The following EIF5 variants were observed in gnomAD, a reference collection of about 807,000 sequenced individuals.
The protein encoded by EIF5 is eukaryotic translation initiation factor 5.
In EIF5, 10 loss-of-function variants were observed where a neutral mutation model predicts 48.3. That is an observed-to-expected ratio of 0.21 (90% CI 0.13 to 0.35). The LOEUF is 0.35. EIF5 is among the 10% of genes least tolerant of loss of function. The pLI is 1.00. For synonymous variants in EIF5, 237 were observed against 173.1 expected (o/e 1.37, Z -2.90); for missense variants, 397 against 533.2 (o/e 0.74, Z 2.51).
rs962575428 is a variant in EIF5, at chr14:103,338,521, T to G, written c.585+49T>G. ...GTGGGCACTAAAGTTGTGTAAAGTA[T>G]ATGGCATTTGGTTGAGGTGGGTGGA... On this transcript the variant is annotated intron_variant, in intron 7 of 11. Transcript: ENST00000216554. 3 of 1,534,044 alleles carry G rather than the reference T, an allele frequency of 2.0e-6. No homozygotes were observed. In the African/African-American group the frequency reaches 4.2e-5, roughly 21 times the overall value.
At chr14:103,337,613 G>A in intron 6 of EIF5, 2 of 319,056 alleles carry the variant, frequency 6.3e-6, no homozygotes, top group Non-Finnish European at 6.0e-6. Context: ...AACAATATAA[G>A]GAACCTTTTA....
chr14:103,337,264 T>A (rs1343818946), intron 6 of EIF5, 37 bp downstream of exon 6: 1 of 1,530,416 alleles, frequency 6.5e-7, no homozygotes, highest in Non-Finnish European at 8.9e-7. Flanking sequence ...GATCCTAAGA[T>A]AAGTTACTAA....
At chr14:103,334,854 C>G (rs1320957104) in intron 2 of EIF5, 1 of 152,122 alleles carries the variant, frequency 6.6e-6, no homozygotes, top group Non-Finnish European at 1.5e-5. Flanking sequence ...ATCGCGCGCT[C>G]TGGGGCGGGG....
rs767639487 is a variant in EIF5, at chr14:103,341,067, C to T, written c.*15C>T. The T allele has an allele frequency of 1.2e-5, 20 of 1,612,802 alleles. No homozygotes were observed. In the South Asian group the frequency reaches 2.2e-4, roughly 18 times the overall value. ...ATGCCATTTAAAGGGATGGATGCAA[C>T]CTAGCTTAACAGTATAATGCTGCAA... is the stretch of plus-strand genomic sequence containing the variant. On this transcript the variant is annotated 3_prime_UTR_variant, in exon 12 of 12. Transcript: ENST00000216554.
At position 103,343,319 on chromosome 14, in the gene EIF5, T is replaced by C. The variant is rs913811710; in HGVS notation, c.*2267T>C. 1 of 152,220 alleles carries C rather than the reference T, an allele frequency of 6.6e-6. No individual in the cohort carries two copies. Among genetic ancestry groups the C allele is most frequent in the Non-Finnish European group, 1.5e-5 (1 of 68,028 alleles). The allele number at this position is 152,220 out of a possible 1,614,324, so 9.4% of individuals were successfully genotyped here. On this transcript the variant is annotated 3_prime_UTR_variant, in exon 12 of 12. Coordinates refer to ENST00000216554, the MANE Select transcript of EIF5 (RefSeq NM_001969.5). ...CACTTGCCAGCCCCACTCACAAAAG[T>C]TGTTCATTTCATTGGGTCACTGGCT...
intron 6 of EIF5, chr14:103,337,974 T>C (rs967620504): frequency 1.9e-6 from 1 of 539,958 alleles, no homozygotes; most frequent in African/African-American, 1.9e-5. Context: ...ACTTAAACAG[T>C]GTTCCACCTG....
In EIF5 at chr14:103,340,952, C is replaced by G; in HGVS notation, c.1207-11C>G. Reference sequence around the variant, plus strand: ...TCAGCTTATGTTGAATAAAATCATTCCTCTTAACAGGTGGTGTATTCGAAG... The same window carrying G: ...TCAGCTTATGTTGAATAAAATCATTGCTCTTAACAGGTGGTGTATTCGAAG... On this transcript the variant is annotated splice_polypyrimidine_tract_variant and intron_variant, in intron 11 of 11. Coordinates refer to ENST00000216554, the MANE Select transcript of EIF5 (RefSeq NM_001969.5). 1 of 1,611,598 alleles carries G rather than the reference C, an allele frequency of 6.2e-7. No individual in the cohort carries two copies. The highest frequency in any genetic ancestry group is 8.5e-7 in the Non-Finnish European group (1 of 1,177,826).
chr14:103,339,456 G>A (rs1354639515), intron 9 of EIF5, 123 bp downstream of exon 9: 2 of 1,424,784 alleles, frequency 1.4e-6, no homozygotes, highest in African/African-American at 1.4e-5. Flanking sequence ...CACCTTACAA[G>A]CCTCTGAGTA....
At position 103,335,878 on chromosome 14, in the gene EIF5, C is replaced by T. The variant is rs913208869; in HGVS notation, c.18C>T (p.Asn6=). MSVNV[N]RSVSDQFYRY... ...AAGCCAAAATGTCTGTCAATGTCAA[C>T]CGCAGCGTGTCAGACCAGTTCTATC... is the stretch of plus-strand genomic sequence containing the variant. Residue 6 remains asparagine, a synonymous_variant, in exon 3 of 12, where the codon AAC becomes AAT. Transcript: ENST00000216554. 1.9e-6 allele frequency: 3 copies of T among 1,614,042 alleles called. No homozygotes were observed. The highest frequency in any genetic ancestry group is 2.5e-6 in the Non-Finnish European group (3 of 1,180,016).
At position 103,337,371 on chromosome 14, in the gene EIF5, AG is replaced by A. The variant is rs541578964; in HGVS notation, c.439+147del. 1.1e-3 allele frequency: 704 copies of A among 670,096 alleles called. 2 individuals carry two copies. The highest frequency in any genetic ancestry group is 1.1e-3 in the Non-Finnish European group (437 of 405,682). The allele number at this position is 670,096 out of a possible 1,614,324, so 41.5% of individuals were successfully genotyped here. On this transcript the variant is annotated intron_variant, in intron 6 of 11. Coordinates refer to ENST00000216554, the MANE Select transcript of EIF5 (RefSeq NM_001969.5). ...TGTATTCCCCGCATTTTGGGAGGCC[AG>A]GGCGGGCACATCACTTGAGGCCAGG...
In EIF5 at chr14:103,343,429, C is replaced by A. The variant is rs1207398640; in HGVS notation, c.*2377C>A. On this transcript the variant is annotated 3_prime_UTR_variant, in exon 12 of 12. Transcript: ENST00000216554. ...TGGCAGGTGCTTAATAGGGAACATA[C>A]ATACAGCTATGTAACTGTGAATAAT... The A allele has an allele frequency of 6.6e-6, 1 of 151,984 alleles. No individual in the cohort carries two copies. The highest frequency in any genetic ancestry group is 1.5e-5 in the Non-Finnish European group (1 of 68,006). 9.4% of individuals were successfully genotyped at this position (151,984 alleles called of 1,614,324 possible).
In EIF5 at chr14:103,334,238, G is replaced by C. The variant is rs925862247; in HGVS notation, c.-440G>C. On this transcript the variant is annotated 5_prime_UTR_variant, in exon 1 of 12. Transcript: ENST00000216554. The stretch of plus-strand genomic sequence containing the variant: ...TTGAGCGCGGCGGCGGCGTTGTTCA[G>C]TCAGAGCGAGAACATTCCAGAGGTG... 6.5e-6 allele frequency: 1 copy of C among 153,096 alleles called. No individual in the cohort carries two copies. The highest frequency in any genetic ancestry group is 1.5e-5 in the Non-Finnish European group (1 of 68,778). 9.5% of individuals were successfully genotyped at this position (153,096 alleles called of 1,614,324 possible).
At chr14:103,338,127 C>T (rs1595363816) in intron 6 of EIF5, 200 bp from the exon 7 acceptor site, 2 of 771,416 alleles carry the variant, frequency 2.6e-6, no homozygotes, top group Non-Finnish European at 4.3e-6. Context: ...TTGTGTCACT[C>T]CATTCTTAGA....
In EIF5 at chr14:103,342,406, CTGTT is replaced by C. The variant is rs1448011622; in HGVS notation, c.*1357_*1360del. 3.9e-5 allele frequency: 6 copies of C among 152,124 alleles called. No homozygotes were observed. Among genetic ancestry groups the C allele is most frequent in the Non-Finnish European group, 5.9e-5 (4 of 68,002 alleles). The allele number at this position is 152,124 out of a possible 1,614,324, so 9.4% of individuals were successfully genotyped here. A position where few individuals can be genotyped will look rare whatever the true frequency, so the allele number is the denominator to read the frequency against. On this transcript the variant is annotated 3_prime_UTR_variant, in exon 12 of 12. Transcript: ENST00000216554. The stretch of plus-strand genomic sequence containing the variant: ...TCTAAACTCATATTATGGGTTCTGA[CTGTT>C]TGAGTAATCATCTTCAAGGTTAAAC...
chr14:103,338,793 G>C lies in EIF5; in HGVS notation c.644G>C (p.Arg215Pro). The change falls in exon 8 of 12, where the codon CGA becomes CCA. Residue 215 changes from arginine to proline, a missense_variant. Physicochemically the swap from Arg to Pro is moderately radical, Grantham distance 103 (BLOSUM62 -2). Transcript: ENST00000216554. Reference protein sequence around the residue: ...EDTTEEAQRRRMDEISDHAKV... With the variant: ...EDTTEEAQRRPMDEISDHAKV... ...ACAACTGAGGAAGCTCAAAGGCGTC[G>C]AATGGATGAAATCAGTGACCATGCA... is the stretch of plus-strand genomic sequence containing the variant. 1 of 1,614,186 alleles carries C rather than the reference G, an allele frequency of 6.2e-7. No individual in the cohort carries two copies. Among genetic ancestry groups the C allele is most frequent in the Non-Finnish European group, 8.5e-7 (1 of 1,180,030 alleles).
Position 103,338,364 on chromosome 14 carries a change from AAAG to A in EIF5, c.480_482del (p.Lys161del), listed in dbSNP as rs1221648760. 6.2e-7 allele frequency: 1 copy of A among 1,614,196 alleles called. No individual in the cohort carries two copies. Among genetic ancestry groups the A allele is most frequent in the East Asian group, 2.2e-5 (1 of 44,892 alleles). ...GTGGTACAGGAAAGAAAGAAAAAGA[AAAG>A]AAAAACAGAAAGGGCAAAGACAAGG... is the stretch of plus-strand genomic sequence containing the variant. On this transcript the variant is annotated inframe_deletion, in exon 7 of 12. Transcript: ENST00000216554.
chr14:103,339,109 T>A, intron 8 of EIF5, 63 bp from the exon 9 acceptor site: 1 of 1,549,486 alleles, frequency 6.5e-7, no homozygotes, highest in Non-Finnish European at 8.7e-7. Context: ...AGGGACTGGC[T>A]GGTGTCTTGA....
At chr14:103,337,593 G>C (rs1056873665) in intron 6 of EIF5, 3 of 329,114 alleles carry the variant, frequency 9.1e-6, no homozygotes, top group Non-Finnish European at 1.7e-5. Flanking sequence ...CAGCGACTCT[G>C]TCTCAAAAAA....
At chr14:103,339,385 G>C in intron 9 of EIF5, 52 bp downstream of exon 9, 2 of 1,549,550 alleles carry the variant, frequency 1.3e-6, no homozygotes, top group African/African-American at 2.8e-5. Context: ...TGTGGCTTTC[G>C]AGATGGTCAT....
Sources: gnomAD v4.1 joint callset for allele counts on GRCh38, gnomAD v4.1.1 for gene constraint, MANE v1.5 for transcripts, NCBI Gene and HGNC (gene_info 2026-07-23, HGNC 2026-07-21) for gene names.